AFAP1L2: variants seen among roughly 807,000 people sequenced by gnomAD.
AFAP1L2 encodes actin filament-associated protein 1-like 2.
In AFAP1L2, 46 loss-of-function variants were observed where a neutral mutation model predicts 99.3. The ratio of observed to expected loss-of-function variants is 0.46; its 90% confidence interval spans 0.37 to 0.59. The LOEUF (loss-of-function observed/expected upper bound fraction) is 0.59. Ranked by LOEUF, AFAP1L2 falls within the 20% of genes least tolerant of loss-of-function variation. The probability of loss-of-function intolerance (pLI) is 0.00; values close to 1 mark genes in which losing one functional copy is unlikely to be tolerated. For synonymous variants in AFAP1L2, 397 were observed against 419.1 expected, an observed-to-expected ratio of 0.95 and a Z score of 0.64; for missense variants, 959 against 1,034.9, an observed-to-expected ratio of 0.93 and a Z score of 1.01.
In AFAP1L2 at chr10:114,295,510, T is replaced by G. The variant is rs764893565; in HGVS notation, c.*532A>C. The G allele has an allele frequency of 1.8e-5, 18 of 984,424 alleles. No homozygotes were observed. The highest frequency in any genetic ancestry group is 2.2e-5 in the Non-Finnish European group (18 of 829,708). 61.0% of individuals were successfully genotyped at this position (984,424 alleles called of 1,614,324 possible). On this transcript the variant is annotated 3_prime_UTR_variant, in exon 19 of 19. Coordinates refer to ENST00000304129, the MANE Select transcript of AFAP1L2 (RefSeq NM_001001936.3). ...TTACAGATGATGGTTTTACAGATGA[T>G]GTCAATGCTGTTTAAAATCACTGAA...
chr10:114,286,627 GC>G, the AFAP1L2 span: 1 of 863,600 alleles, frequency 1.2e-6, no homozygotes, highest in Non-Finnish European at 1.7e-6. Context: ...TGAAACCACA[GC>G]CCCACTCTTT....
At chr10:114,283,277 A>T in the AFAP1L2 span, among the ~76,000 whole-genome samples, 2 of 151,970 alleles carry the variant, frequency 1.3e-5, no homozygotes, top group African/African-American at 4.8e-5. Context: ...GAGCAGTTAG[A>T]CACACAGGCA....
At chr10:114,300,097 G>C in intron 15 of AFAP1L2, 97 bp downstream of exon 15, 1 of 1,517,178 alleles carries the variant, frequency 6.6e-7, no homozygotes, top group Admixed American at 1.8e-5. Context: ...CTTAATAAAC[G>C]CCCTTTCATA....
At chr10:114,289,722 A>T in the AFAP1L2 span, 5 of 571,418 alleles carry the variant, frequency 8.8e-6, no homozygotes, top group South Asian at 1.0e-4. Flanking sequence ...ACTCCCCCCA[A>T]ACTTGAGAAT....
chr10:114,310,369 G>C lies in AFAP1L2; in HGVS notation c.867C>G (p.Arg289=). 6.2e-7 allele frequency: 1 copy of C among 1,613,596 alleles called. No homozygotes were observed. The highest frequency in any genetic ancestry group is 8.5e-7 in the Non-Finnish European group (1 of 1,179,808). The change falls in exon 8 of 19, where the codon CGC becomes CGG. Residue 289 remains arginine, a synonymous_variant. Transcript: ENST00000304129. ...AGAGGCTTACTTTCTGGCAGTTAAA[G>C]CGCTGGGCATCCGGGGTGTACTGGT... is the stretch of plus-strand genomic sequence containing the variant. The part of the protein sequence containing the change: ...EGNQYTPDAQ[R]FNCQKPDIAE...
At chr10:114,381,345 G>A (rs1226587598) in intron 1 of AFAP1L2, among the ~76,000 whole-genome samples, 1 of 152,170 alleles carries the variant, frequency 6.6e-6, no homozygotes, top group East Asian at 1.9e-4. Flanking sequence ...TGTAGGAACA[G>A]AAAGTAGATT....
In AFAP1L2 at chr10:114,299,368, T is replaced by G; in HGVS notation, c.2005A>C (p.Thr669Pro). 6.2e-7 allele frequency: 1 copy of G among 1,614,224 alleles called. No individual in the cohort carries two copies. The highest frequency in any genetic ancestry group is 8.5e-7 in the Non-Finnish European group (1 of 1,180,038). Reference sequence around the variant, plus strand: ...TTTTCAAGCCTCTCCTTCTCCTCTGTGTACCGCTTCACCTCAGCTTCTGTC... The same window carrying G: ...TTTTCAAGCCTCTCCTTCTCCTCTGGGTACCGCTTCACCTCAGCTTCTGTC... The part of the protein sequence containing the change: ...NRTEAEVKRY[T>P]EEKERLEKKK... The change falls in exon 16 of 19, where the codon ACA (threonine) becomes CCA (proline). Residue 669 changes from threonine to proline, a missense_variant. Thr to Pro is a conservative substitution (Grantham distance 38, BLOSUM62 -1). Around this residue, in one of 2 missense-constraint regions of AFAP1L2, gnomAD observed 576 missense variants for 562.1 expected, o/e 1.02. Transcript: ENST00000304129.
At chr10:114,394,692 C>T (rs896889316) in intron 1 of AFAP1L2, among the ~76,000 whole-genome samples, 1 of 152,106 alleles carries the variant, frequency 6.6e-6, no homozygotes, top group South Asian at 2.1e-4. Flanking sequence ...TGAGCCTGTG[C>T]GTCCAAGAGG....
intron 1 of AFAP1L2, among the ~76,000 whole-genome samples, chr10:114,371,795 G>A (rs374520722): frequency 1.6e-5 from 2 of 126,630 alleles, no homozygotes; most frequent in African/African-American, 3.0e-5. Flanking sequence ...TGTATCCCAG[G>A]ACTTAAAGTA....
Position 114,301,433 on chromosome 10 carries a change from G to A in AFAP1L2, c.1463C>T (p.Thr488Ile). The A allele has an allele frequency of 1.2e-6, 2 of 1,614,212 alleles. No individual in the cohort carries two copies. Among genetic ancestry groups the A allele is most frequent in the Non-Finnish European group, 1.7e-6 (2 of 1,180,000 alleles). Residue 488 changes from threonine to isoleucine, a missense_variant, in exon 13 of 19, where the codon ACT becomes ATT. Physicochemically the swap from Thr to Ile is moderately conservative, Grantham distance 89. Around this residue, in one of 2 missense-constraint regions of AFAP1L2, gnomAD observed 576 missense variants for 562.1 expected, o/e 1.02. Transcript: ENST00000304129. Reference protein sequence around the residue: ...LMQRKFSEPNTYIDGLPSQDR... With the variant: ...LMQRKFSEPNIYIDGLPSQDR... The stretch of plus-strand genomic sequence containing the variant: ...CTGGCTAGGCAGGCCATCGATGTAA[G>A]TGTTGGGCTCTGAGAACTTTCTCTG...
At chr10:114,329,417 C>T (rs965216051) in intron 4 of AFAP1L2, among the ~76,000 whole-genome samples, 3 of 152,198 alleles carry the variant, frequency 2.0e-5, no homozygotes, top group African/African-American at 7.2e-5. Flanking sequence ...TCACACAGTA[C>T]GCGGTGCTCA....
Position 114,310,385 on chromosome 10 carries a change from G to T in AFAP1L2, c.851C>A (p.Thr284Asn). 6.2e-7 allele frequency: 1 copy of T among 1,613,970 alleles called. No homozygotes were observed. Among genetic ancestry groups the T allele is most frequent in the South Asian group, 1.1e-5 (1 of 91,072 alleles). ...SEGASEGNQY[T>N]PDAQRFNCQK... ...GCAGTTAAAGCGCTGGGCATCCGGG[G>T]TGTACTGGTTTCCTTCAGATGCTCC... Residue 284 changes from threonine (T) to asparagine (N), a missense_variant, in exon 8 of 19, where the codon ACC becomes AAC. Coordinates refer to ENST00000304129, the MANE Select transcript of AFAP1L2 (RefSeq NM_001001936.3).
intron 12 of AFAP1L2, chr10:114,301,733 T>C (rs2041232795): frequency 2.0e-6 from 1 of 488,674 alleles, no homozygotes; most frequent in Admixed American, 3.3e-5. Context: ...CCCTTTGCCA[T>C]CTTCTCCCCC....
intron 1 of AFAP1L2, among the ~76,000 whole-genome samples, chr10:114,346,317 C>T (rs1464722531): frequency 1.3e-5 from 2 of 152,270 alleles, no homozygotes; most frequent in African/African-American, 2.4e-5. Flanking sequence ...AAACCAGTTG[C>T]GCATAGTCGT....
chr10:114,293,992 A>G (rs1564755360), downstream of AFAP1L2, among the ~76,000 whole-genome samples: 1 of 152,196 alleles, frequency 6.6e-6, no homozygotes, highest in Admixed American at 6.5e-5. Context: ...ATGAACTAAG[A>G]GTGTTTATTA....
intron 1 of AFAP1L2, among the ~76,000 whole-genome samples, chr10:114,398,363 G>A (rs181611179): frequency 1.3e-5 from 2 of 152,202 alleles, no homozygotes; most frequent in Non-Finnish European, 2.9e-5. Flanking sequence ...TCTCTGAGAA[G>A]CTAGGATGCC....
At chr10:114,290,244 C>T (rs1300405779), downstream of AFAP1L2, 6 of 1,550,312 alleles carry the variant, frequency 3.9e-6, no homozygotes, top group Non-Finnish European at 5.2e-6. Flanking sequence ...TTGTAGAAGC[C>T]AAGCAGCCAG....
At chr10:114,308,862 C>G (rs1445830143) in intron 8 of AFAP1L2, among the ~76,000 whole-genome samples, 3 of 152,214 alleles carry the variant, frequency 2.0e-5, no homozygotes, top group Non-Finnish European at 2.9e-5. Context: ...GCTGACTGTT[C>G]TAGCAATGTG....
At chr10:114,305,836 G>T (rs1426605452) in intron 10 of AFAP1L2, among the ~76,000 whole-genome samples, 1 of 143,668 alleles carries the variant, frequency 7.0e-6, no homozygotes, top group Admixed American at 6.9e-5. Context: ...AGATCCAGGA[G>T]GGGACGCGGG....
Sources: allele counts gnomAD v4.1 joint callset (sites outside exome capture counted in the v4.1 genomes callset), GRCh38; gene constraint gnomAD v4.1.1; regional missense constraint gnomAD v4.1.1; transcripts MANE v1.5; gene names NCBI Gene and HGNC (gene_info 2026-07-23, HGNC 2026-07-21).